PARD3B: variants seen among roughly 807,000 people sequenced by gnomAD.
PARD3B encodes par-3 family cell polarity regulator beta.
PARD3B carries 103 observed loss-of-function variants against 130.2 expected under a neutral mutation model. The ratio of observed to expected loss-of-function variants is 0.79; its 90% confidence interval spans 0.67 to 0.93. The LOEUF is 0.93. Ranked by LOEUF, PARD3B falls within the 40% of genes least tolerant of loss-of-function variation. The pLI is 0.00. For synonymous variants in PARD3B, 583 were observed against 553.2 expected (o/e 1.05, Z -0.76); for missense variants, 1,609 against 1,499.2 (o/e 1.07, Z -1.21).
chr2:204,866,987 TGAAA>T (rs1255844891), intron 2 of PARD3B, among the ~76,000 whole-genome samples: 33 of 152,006 alleles, frequency 2.2e-4, no homozygotes, highest in African/African-American at 7.7e-4. Flanking sequence ...GAGAATCTCC[TGAAA>T]CCAGGATGCA....
chr2:205,232,899 G>A (rs1324973253), intron 15 of PARD3B, among the ~76,000 whole-genome samples: 2 of 152,192 alleles, frequency 1.3e-5, no homozygotes, highest in African/African-American at 4.8e-5. Context: ...GGCAACTTCA[G>A]GTGGTTTCAG....
At position 204,918,046 on chromosome 2, in the gene PARD3B, C is replaced by T. The variant is rs181388631; in HGVS notation, c.223-47106C>T. ...AGAAAAGCTTTAGAGTACTTTGTAG[C>T]CTGATATATTCTTATTAAGTTTTGA... On this transcript the variant is annotated intron_variant, in intron 2 of 22. Coordinates refer to ENST00000406610, the MANE Select transcript of PARD3B (RefSeq NM_001302769.2). 1.0e-3 allele frequency among the ~76,000 whole-genome samples: 153 copies of T among 152,142 alleles called. 1 individual carries two copies. Among genetic ancestry groups the T allele is most frequent in the Admixed American group, 9.2e-3 (141 of 15,280 alleles).
At chr2:205,372,562 T>G (rs1392663013) in intron 18 of PARD3B, among the ~76,000 whole-genome samples, 3 of 152,206 alleles carry the variant, frequency 2.0e-5, no homozygotes, top group Non-Finnish European at 2.9e-5. Context: ...TAATTGGAAA[T>G]GAGAAATGTA....
chr2:204,795,201 G>A (rs2042328412), intron 2 of PARD3B, among the ~76,000 whole-genome samples: 1 of 152,138 alleles, frequency 6.6e-6, no homozygotes, highest in South Asian at 2.1e-4. Context: ...TAATACTTCT[G>A]GTGGATTAAA....
intron 2 of PARD3B, among the ~76,000 whole-genome samples, chr2:204,851,740 A>G (rs1386460227): frequency 6.6e-6 from 1 of 152,110 alleles, no homozygotes; most frequent in South Asian, 2.1e-4. Context: ...GTAGCATTTG[A>G]CAATCCTTTT....
At chr2:205,384,208 T>A (rs1406616571) in intron 18 of PARD3B, among the ~76,000 whole-genome samples, 1 of 152,112 alleles carries the variant, frequency 6.6e-6, no homozygotes, top group Admixed American at 6.6e-5. Flanking sequence ...AGCCTTATAA[T>A]AGCTACTTCT....
chr2:204,808,218 T>A (rs1346023343), intron 2 of PARD3B, among the ~76,000 whole-genome samples: 1 of 152,190 alleles, frequency 6.6e-6, no homozygotes, highest in African/African-American at 2.4e-5. Context: ...TTACTAGTTT[T>A]ATTTTTAAGT....
intron 21 of PARD3B, among the ~76,000 whole-genome samples, chr2:205,535,210 A>G (rs1487610796): frequency 1.3e-5 from 2 of 152,174 alleles, no homozygotes; most frequent in Non-Finnish European, 2.9e-5. Context: ...AACAGCCACT[A>G]ATCATGTACA....
intron 16 of PARD3B, among the ~76,000 whole-genome samples, chr2:205,264,341 G>A (rs892636808): frequency 5.3e-5 from 8 of 150,966 alleles, no homozygotes; most frequent in African/African-American, 1.9e-4. Flanking sequence ...TAAGATGAAG[G>A]CAAAGGCAGT....
At chr2:204,934,754 G>A (rs538431103) in intron 2 of PARD3B, among the ~76,000 whole-genome samples, 1 of 152,008 alleles carries the variant, frequency 6.6e-6, no homozygotes, top group African/African-American at 2.4e-5. Flanking sequence ...CTGAAAAAAG[G>A]CAGGGTTTAG....
intron 2 of PARD3B, among the ~76,000 whole-genome samples, chr2:204,813,812 C>G: frequency 6.6e-6 from 1 of 152,026 alleles, no homozygotes; most frequent in East Asian, 1.9e-4. Context: ...CTTGAAAATT[C>G]TGATGTCCAT....
intron 21 of PARD3B, among the ~76,000 whole-genome samples, chr2:205,511,304 G>A (rs563606004): frequency 1.8e-4 from 27 of 152,172 alleles, no homozygotes; most frequent in East Asian, 1.9e-4. Flanking sequence ...ATAGCAAAGA[G>A]CAGAAAAAGG....
intron 18 of PARD3B, among the ~76,000 whole-genome samples, chr2:205,342,263 C>T (rs527282686): frequency 9.2e-5 from 14 of 152,208 alleles, no homozygotes; most frequent in East Asian, 1.9e-4. Flanking sequence ...ATTAATATCC[C>T]GTCTCTACAA....
At chr2:205,489,594 G>A (rs2049612281) in intron 20 of PARD3B, among the ~76,000 whole-genome samples, 1 of 109,050 alleles carries the variant, frequency 9.2e-6, no homozygotes, top group Non-Finnish European at 2.0e-5. Context: ...ATATGGCACT[G>A]TGTTGGAAGA....
rs1356977792 is a variant in PARD3B at position 205,287,824 on chromosome 2, C to G, written c.2186-12706C>G. Among the ~76,000 whole-genome samples the G allele has an allele frequency of 6.6e-6, 1 of 152,110 alleles. No homozygotes were observed. The highest frequency in any genetic ancestry group is 1.5e-5 in the Non-Finnish European group (1 of 68,030). On this transcript the variant is annotated intron_variant, in intron 16 of 22. Transcript: ENST00000406610. This position sits in a 1 kb window ranked among gnomAD's most constrained non-coding sequence, Gnocchi z 4.8. The stretch of plus-strand genomic sequence containing the variant: ...CAAGTGTTTCCATGTACCCTGACAT[C>G]TCAGTACAACCCAGCAAGAATTTCA...
chr2:205,583,694 C>T (rs1357209774), intron 22 of PARD3B, among the ~76,000 whole-genome samples: 1 of 152,174 alleles, frequency 6.6e-6, no homozygotes, highest in Non-Finnish European at 1.5e-5. Context: ...ATGAATCATA[C>T]CTTTTGTAAA....
chr2:205,473,843 G>A lies in PARD3B; in HGVS notation c.3045-26053G>A, dbSNP rs956156794. ...GGGGAGATATTCTTTTCTTTGTTAC[G>A]TTTAAATGAACTTCACCCTGAGCTA... On this transcript the variant is annotated intron_variant, in intron 20 of 22. Coordinates refer to ENST00000406610, the MANE Select transcript of PARD3B (RefSeq NM_001302769.2). The surrounding 1 kb of genome is among the most constrained non-coding windows in gnomAD (Gnocchi z 4.9). Among the ~76,000 whole-genome samples the A allele has an allele frequency of 4.0e-5, 6 of 150,562 alleles. No homozygotes were observed. The highest frequency in any genetic ancestry group is 9.7e-5 in the African/African-American group (4 of 41,196).
chr2:205,178,174 A>AAAAAAAAAAAAAAAAAAAAAG (rs2035582600), intron 13 of PARD3B, among the ~76,000 whole-genome samples: 1 of 148,538 alleles, frequency 6.7e-6, no homozygotes, highest in African/African-American at 2.5e-5. Context: ...AAAAAAAAAA[A>AAAAAAAAAAAAAAAAAAAAAG]AAAATTAGTC....
intron 4 of PARD3B, among the ~76,000 whole-genome samples, chr2:205,054,401 C>CA (rs1559392719): frequency 0.02 from 680 of 33,774 alleles, 12 homozygotes; most frequent in Middle Eastern, 0.031. Context: ...CATGACATGT[C>CA]TTTTATATAT....
Sources: gnomAD v4.1 joint callset for allele counts (sites outside exome capture counted in the v4.1 genomes callset) on GRCh38, gnomAD v4.1.1 for gene constraint, Gnocchi (gnomAD v3.1) non-coding constraint, MANE v1.5 for transcripts, NCBI Gene and HGNC (gene_info 2026-07-23, HGNC 2026-07-21) for gene names.